The following ZMAT4 variants were observed in gnomAD, a reference collection of about 807,000 sequenced individuals.
ZMAT4 encodes the protein zinc finger matrin-type 4, also known as zinc finger matrin-type protein 4.
Under a neutral mutation model 28.7 loss-of-function variants are expected in ZMAT4, and 17 were observed. The ratio of observed to expected loss-of-function variants is 0.59; its 90% CI spans 0.41 to 0.89. The LOEUF is 0.89. ZMAT4 is among the 40% of genes least tolerant of loss of function. The pLI is 0.00. For missense variants in ZMAT4, 240 were observed against 283.8 expected (o/e 0.85, Z 1.11); for synonymous variants, 117 against 109.2 (o/e 1.07, Z -0.44).
intron 2 of ZMAT4, among the ~76,000 whole-genome samples, chr8:40,780,936 G>A (rs891657930): frequency 1.3e-5 from 2 of 152,130 alleles, no homozygotes; most frequent in African/African-American, 4.8e-5. Flanking sequence ...CAAACTTCAT[G>A]GTGGATCAGA....
chr8:40,891,465 G>A (rs138279883), intron 1 of ZMAT4, among the ~76,000 whole-genome samples: 31 of 151,954 alleles, frequency 2.0e-4, no homozygotes, highest in Middle Eastern at 3.4e-3. Context: ...CTGACGCACC[G>A]CTCTTCCCGC....
intron 2 of ZMAT4, among the ~76,000 whole-genome samples, chr8:40,812,960 T>A (rs865905048): frequency 0.026 from 3,849 of 148,422 alleles, 101 homozygotes; most frequent in South Asian, 0.067. Context: ...TAAATTAAAT[T>A]AAATTAAATT....
intron 3 of ZMAT4, among the ~76,000 whole-genome samples, chr8:40,734,546 G>C (rs1201381620): frequency 6.6e-6 from 1 of 152,210 alleles, no homozygotes; most frequent in Non-Finnish European, 1.5e-5. Context: ...CGAGCGGAGA[G>C]AGAGAGAGTA....
chr8:40,606,662 A>G (rs908623239), intron 5 of ZMAT4, among the ~76,000 whole-genome samples: 47 of 152,178 alleles, frequency 3.1e-4, no homozygotes, highest in African/African-American at 1.1e-3. Flanking sequence ...TGCCTAAGTG[A>G]TTATCTTTTT....
intron 1 of ZMAT4, among the ~76,000 whole-genome samples, chr8:40,885,279 G>A (rs75194600): frequency 0.044 from 6,669 of 151,994 alleles, 201 homozygotes; most frequent in East Asian, 0.16. Context: ...AATCATCCTC[G>A]AACCCTCTAG....
intron 1 of ZMAT4, among the ~76,000 whole-genome samples, chr8:40,892,274 C>T (rs1169506778): frequency 6.6e-6 from 1 of 152,186 alleles, no homozygotes; most frequent in African/African-American, 2.4e-5. Context: ...TATCTCATTG[C>T]TCCCATGTCT....
At chr8:40,736,529 A>G (rs1811768657) in intron 3 of ZMAT4, among the ~76,000 whole-genome samples, 1 of 152,230 alleles carries the variant, frequency 6.6e-6, no homozygotes, top group African/African-American at 2.4e-5. Flanking sequence ...ACTTGGAGGT[A>G]CAAAATGAAG....
intron 2 of ZMAT4, among the ~76,000 whole-genome samples, chr8:40,794,362 C>T (rs1426543905): frequency 6.6e-6 from 1 of 152,158 alleles, no homozygotes; most frequent in African/African-American, 2.4e-5. Context: ...CCATATAGCA[C>T]TATGTGTCTT....
chr8:40,688,534 A>G (rs964423452), intron 4 of ZMAT4, among the ~76,000 whole-genome samples: 2 of 152,142 alleles, frequency 1.3e-5, no homozygotes, highest in African/African-American at 2.4e-5. Context: ...TTTGCAATTC[A>G]TGGTACCTCA....
chr8:40,796,223 CA>C (rs901431208), intron 2 of ZMAT4, among the ~76,000 whole-genome samples: 2 of 152,172 alleles, frequency 1.3e-5, no homozygotes, highest in African/African-American at 4.8e-5. Context: ...CAGCAGGCTC[CA>C]AGAGGCTCCC....
At chr8:40,688,869 T>C (rs1259139795) in intron 4 of ZMAT4, among the ~76,000 whole-genome samples, 1 of 152,196 alleles carries the variant, frequency 6.6e-6, no homozygotes, top group Non-Finnish European at 1.5e-5. Flanking sequence ...GTAGCTAGGC[T>C]CTGAAGTCTG....
At chr8:40,659,519 T>C (rs1291333542) in intron 5 of ZMAT4, among the ~76,000 whole-genome samples, 1 of 152,108 alleles carries the variant, frequency 6.6e-6, no homozygotes, top group African/African-American at 2.4e-5. Context: ...TCAAACAGAA[T>C]GGAGAGGGGA....
At chr8:40,830,963 G>A (rs558511416) in intron 1 of ZMAT4, among the ~76,000 whole-genome samples, 19 of 152,194 alleles carry the variant, frequency 1.2e-4, no homozygotes, top group African/African-American at 4.6e-4. Context: ...ACAGACTGTG[G>A]CATAGCAGAG....
intron 5 of ZMAT4, among the ~76,000 whole-genome samples, chr8:40,628,234 A>T (rs1339121322): frequency 3.3e-5 from 5 of 152,222 alleles, no homozygotes; most frequent in Admixed American, 3.3e-4. Flanking sequence ...ATAGAGAGAC[A>T]TATTGATGTC....
At chr8:40,655,696 A>G (rs1807889401) in intron 5 of ZMAT4, among the ~76,000 whole-genome samples, 1 of 152,120 alleles carries the variant, frequency 6.6e-6, no homozygotes, top group Admixed American at 6.6e-5. Context: ...TGCCATGACA[A>G]TGCAATAAGA....
intron 2 of ZMAT4, among the ~76,000 whole-genome samples, chr8:40,796,116 C>T (rs1454580847): frequency 6.6e-6 from 1 of 152,150 alleles, no homozygotes; most frequent in East Asian, 1.9e-4. Flanking sequence ...GACGCAGCTA[C>T]AAAGAAAGGG....
chr8:40,667,739 C>T (rs896164358), intron 5 of ZMAT4, among the ~76,000 whole-genome samples: 1 of 149,672 alleles, frequency 6.7e-6, no homozygotes, highest in African/African-American at 2.5e-5. Context: ...GCTACAAGAA[C>T]AAGTTGAATG....
chr8:40,876,145 G>T (rs1217031487), intron 1 of ZMAT4, among the ~76,000 whole-genome samples: 1 of 152,150 alleles, frequency 6.6e-6, no homozygotes, highest in African/African-American at 2.4e-5. Context: ...GGTTTGAACT[G>T]CAATGACCCG....
intron 5 of ZMAT4, among the ~76,000 whole-genome samples, chr8:40,669,568 C>G (rs1235557352): frequency 1.3e-5 from 2 of 152,092 alleles, no homozygotes; most frequent in East Asian, 3.9e-4. Context: ...AGTACTTCCA[C>G]TTAACATATA....
Sources: gnomAD v4.1 joint callset for allele counts (sites outside exome capture counted in the v4.1 genomes callset) on GRCh38, gnomAD v4.1.1 for gene constraint, MANE v1.5 for transcripts, NCBI Gene and HGNC (gene_info 2026-07-23, HGNC 2026-07-21) for gene names.